Variants in GIT2 observed in about 807,000 individuals in gnomAD.
The protein encoded by GIT2 is GIT ArfGAP 2, also known as ARF GTPase-activating protein GIT2.
GIT2 carries 32 observed loss-of-function variants against 100.3 expected under a neutral mutation model. That is an observed-to-expected ratio of 0.32 (90% CI 0.24 to 0.43). GIT2 has a LOEUF of 0.43. GIT2 is among the 20% of genes least tolerant of loss of function. The probability of loss-of-function intolerance (pLI) is 1.00; values close to 1 mark genes in which losing one functional copy is unlikely to be tolerated. For synonymous variants in GIT2, 353 were observed against 364.1 expected (o/e 0.97, Z 0.35); for missense variants, 737 against 975.1 (o/e 0.76, Z 3.25).
intron 4 of GIT2, among the ~76,000 whole-genome samples, chr12:109,986,659 G>A (rs1011682030): frequency 6.6e-6 from 1 of 152,194 alleles, no homozygotes; most frequent in Non-Finnish European, 1.5e-5. Context: ...CAGCTACTCA[G>A]GAGGCTGAGG....
chr12:109,984,902 C>T (rs1887037140), intron 4 of GIT2, among the ~76,000 whole-genome samples: 1 of 152,130 alleles, frequency 6.6e-6, no homozygotes, highest in Non-Finnish European at 1.5e-5. Flanking sequence ...CTGCCTTATA[C>T]AATACCCTCT....
At chr12:109,988,046 C>T (rs930732648) in intron 4 of GIT2, among the ~76,000 whole-genome samples, 3 of 152,088 alleles carry the variant, frequency 2.0e-5, no homozygotes, top group African/African-American at 7.2e-5. Context: ...TTTTCTAGTC[C>T]TTATTAAAAA....
At chr12:109,942,616 G>T (rs1018519294) in intron 16 of GIT2, among the ~76,000 whole-genome samples, 1 of 152,212 alleles carries the variant, frequency 6.6e-6, no homozygotes, top group South Asian at 2.1e-4. Context: ...TTAGAGGCGT[G>T]AGCCACCATG....
intron 15 of GIT2, among the ~76,000 whole-genome samples, chr12:109,945,864 G>A (rs902854102): frequency 6.6e-6 from 1 of 152,078 alleles, no homozygotes; most frequent in Admixed American, 6.6e-5. Context: ...GGTGGGCATG[G>A]TAGCTCACAC....
upstream of GIT2, among the ~76,000 whole-genome samples, chr12:109,996,808 T>C (rs1457511462): frequency 1.3e-5 from 2 of 152,208 alleles, no homozygotes; most frequent in African/African-American, 4.8e-5. Flanking sequence ...CTGGGCGTGG[T>C]GGCTCACTCT....
chr12:109,950,874 C>T, intron 14 of GIT2: 1 of 283,628 alleles, frequency 3.5e-6, no homozygotes, highest in South Asian at 5.5e-5. Context: ...GAATCACATC[C>T]ATGGAGCCCC....
intron 7 of GIT2, among the ~76,000 whole-genome samples, chr12:109,977,375 G>C (rs1293687709): frequency 1.3e-5 from 2 of 152,002 alleles, no homozygotes; most frequent in East Asian, 3.9e-4. Context: ...TCTGGGCACA[G>C]TGGCACACAC....
intron 1 of GIT2, among the ~76,000 whole-genome samples, chr12:109,993,624 A>G (rs1888807104): frequency 6.6e-6 from 1 of 152,252 alleles, no homozygotes; most frequent in Non-Finnish European, 1.5e-5. Flanking sequence ...GAATAAGTGA[A>G]GTACCTCACA....
intron 16 of GIT2, among the ~76,000 whole-genome samples, chr12:109,942,224 C>A (rs905032268): frequency 6.6e-6 from 1 of 152,134 alleles, no homozygotes; most frequent in East Asian, 1.9e-4. Flanking sequence ...TAAAAACTTG[C>A]ATTTACGTAA....
chr12:109,988,514 C>A lies in GIT2; in HGVS notation c.405+449G>T, dbSNP rs568416725. ...CCGTGATTGCACCACTGCACTCCAG[C>A]CTGGGCAACAGAGCAAGACCCTGTC... On this transcript the variant is annotated intron_variant, in intron 4 of 19. Transcript: ENST00000355312. 2.6e-5 allele frequency among the ~76,000 whole-genome samples: 4 copies of A among 152,090 alleles called. No homozygotes were observed. In the East Asian group the frequency reaches 7.7e-4, roughly 29 times the overall value.
chr12:109,982,122 C>T (rs1886418954), intron 6 of GIT2: 1 of 152,232 alleles, frequency 6.6e-6, no homozygotes. Context: ...TGCTGTTATT[C>T]CCAGACCCAC....
intron 2 of GIT2, among the ~76,000 whole-genome samples, chr12:109,990,432 T>A (rs1888155348): frequency 6.6e-6 from 1 of 152,196 alleles, no homozygotes. Context: ...CCCTTTCACA[T>A]GAGCGTGAGC....
intron 1 of GIT2, among the ~76,000 whole-genome samples, chr12:109,993,020 GAA>G (rs748267963): frequency 2.2e-5 from 3 of 137,448 alleles, no homozygotes. Context: ...CAACTGATCT[GAA>G]AAAAAAAAAA....
rs986964086 is a variant in GIT2, at chr12:109,931,764, G to T, written c.*1214C>A. On this transcript the variant is annotated 3_prime_UTR_variant, in exon 20 of 20. Coordinates refer to ENST00000355312, the MANE Select transcript of GIT2 (RefSeq NM_057169.5). ...GAGCTTTCACATTCAGAACAAGAAG[G>T]GGCTTTTGAGTAACTAAAAAACAAT... The T allele has an allele frequency of 6.6e-6, 1 of 152,234 alleles. No individual in the cohort carries two copies. Among genetic ancestry groups the T allele is most frequent in the East Asian group, 1.9e-4 (1 of 5,192 alleles). The allele number at this position is 152,234 out of a possible 1,614,324, so 9.4% of individuals were successfully genotyped here. A position where few individuals can be genotyped will look rare whatever the true frequency, so the allele number is the denominator to read the frequency against.
At chr12:109,954,767 T>A (rs1490740038) in intron 12 of GIT2, among the ~76,000 whole-genome samples, 2 of 151,602 alleles carry the variant, frequency 1.3e-5, no homozygotes, top group East Asian at 3.9e-4. Flanking sequence ...GGCGTGGTGG[T>A]GCACATCTGT....
In GIT2 at chr12:109,983,370, T is replaced by C; in HGVS notation, c.623+3A>G. ...AGAAGTAGCGAGAATCTAGGTCTCTTACCTTGCATAATCAACGGGAGTTTT... is the reference window on the plus strand; with the variant it reads ...AGAAGTAGCGAGAATCTAGGTCTCTCACCTTGCATAATCAACGGGAGTTTT... On this transcript the variant is annotated splice_donor_region_variant and intron_variant, in intron 6 of 19. Transcript: ENST00000355312. 1 of 1,612,674 alleles carries C rather than the reference T, an allele frequency of 6.2e-7. No individual in the cohort carries two copies. The highest frequency in any genetic ancestry group is 8.5e-7 in the Non-Finnish European group (1 of 1,179,562).
rs1021837856 is a variant in GIT2, at chr12:109,947,846, G to C, written c.1393-342C>G. 6 of 211,064 alleles carry C rather than the reference G, an allele frequency of 2.8e-5. No individual in the cohort carries two copies. The highest frequency in any genetic ancestry group is 2.5e-4 in the South Asian group (3 of 11,898). 13.1% of individuals were successfully genotyped at this position (211,064 alleles called of 1,614,324 possible). A position where few individuals can be genotyped will look rare whatever the true frequency, so the allele number is the denominator to read the frequency against. ...AGCTGTACACTGGATTATTACTAAG[G>C]CTGTTTCAAGCAAGAGTTCGAGATC... On this transcript the variant is annotated intron_variant, in intron 14 of 19. Coordinates refer to ENST00000355312, the MANE Select transcript of GIT2 (RefSeq NM_057169.5). The surrounding 1 kb of genome is among the most constrained non-coding windows in gnomAD (Gnocchi z 4.3).
chr12:109,975,771 C>A (rs1469909424), intron 7 of GIT2, among the ~76,000 whole-genome samples: 1 of 121,400 alleles, frequency 8.2e-6, no homozygotes, highest in Non-Finnish European at 1.7e-5. Context: ...TCTTTGTAGT[C>A]TTTTTTTTTT....
At chr12:109,946,688 C>G (rs865880638) in intron 15 of GIT2, among the ~76,000 whole-genome samples, 2 of 152,120 alleles carry the variant, frequency 1.3e-5, no homozygotes, top group African/African-American at 4.8e-5. Context: ...GTGGGAGGAG[C>G]AGGATGCAGA....
Sources: allele counts gnomAD v4.1 joint callset (sites outside exome capture counted in the v4.1 genomes callset), GRCh38; gene constraint gnomAD v4.1.1; non-coding constraint Gnocchi (gnomAD v3.1); transcripts MANE v1.5; gene names NCBI Gene and HGNC (gene_info 2026-07-23, HGNC 2026-07-21).